GAA: variants seen among roughly 807,000 people sequenced by gnomAD.
GAA encodes lysosomal alpha-glucosidase.
GAA carries 88 observed loss-of-function variants against 103.9 expected under a neutral mutation model. The observed-to-expected ratio is 0.85, with a 90% CI of 0.71 to 1.01. GAA has a LOEUF of 1.01. GAA is among the 50% of genes least tolerant of loss of function. The probability of loss-of-function intolerance (pLI) is 0.00; values close to 1 mark genes in which losing one functional copy is unlikely to be tolerated. For synonymous variants in GAA, 572 were observed against 563.1 expected (o/e 1.02, Z -0.22); for missense variants, 1,350 against 1,305.3 (o/e 1.03, Z -0.53).
In GAA at chr17:80,112,672, G is replaced by T. The variant is rs767977395; in HGVS notation, c.1849G>T (p.Val617Leu). 1 of 1,611,858 alleles carries T rather than the reference G, an allele frequency of 6.2e-7. No homozygotes were observed. The highest frequency in any genetic ancestry group is 1.3e-5 in the African/African-American group (1 of 75,038). The change falls in exon 13 of 20, where the codon GTG (valine) becomes TTG (leucine). Residue 617 changes from valine to leucine, a missense_variant. Transcript: ENST00000302262. The stretch of plus-strand genomic sequence containing the variant: ...ATACGCCGGCCACTGGACGGGGGAC[G>T]TGTGGAGCTCCTGGGAGCAGCTCGC... ...GRYAGHWTGD[V>L]WSSWEQLASS...
At chr17:80,105,575 C>G (rs1198927889) in intron 2 of GAA, among the ~76,000 whole-genome samples, 174 bp from the exon 3 acceptor site, 1 of 150,950 alleles carries the variant, frequency 6.6e-6, no homozygotes, top group Non-Finnish European at 1.5e-5. Flanking sequence ...GGGAGGCGTC[C>G]TCCTCCTGGC....
intron 1 of GAA, among the ~76,000 whole-genome samples, chr17:80,103,432 G>A (rs1284641604): frequency 6.6e-6 from 1 of 151,910 alleles, no homozygotes; most frequent in Non-Finnish European, 1.5e-5. Context: ...CCTTCCCCAC[G>A]CCCTCCCCAT....
At chr17:80,111,162 G>A in intron 11 of GAA, 137 bp downstream of exon 11, 1 of 871,538 alleles carries the variant, frequency 1.1e-6, no homozygotes, top group South Asian at 1.5e-5. Flanking sequence ...ATCCCCAGGA[G>A]AAAGGCTCAG....
Position 80,111,034 on chromosome 17 carries a change from G to GC in GAA, c.1636+15dup, listed in dbSNP as rs765563836. On this transcript the variant is annotated intron_variant, in intron 11 of 19. Coordinates refer to ENST00000302262, the MANE Select transcript of GAA (RefSeq NM_000152.5). ...CCCACCCTACGTGCCTGGTCAGCTC[G>GC]CCCCCCACCTACCCTGGGGACTTAA... The GC allele has an allele frequency of 8.1e-6, 13 of 1,612,518 alleles. No individual in the cohort carries two copies. Among genetic ancestry groups the GC allele is most frequent in the South Asian group, 5.5e-5 (5 of 91,026 alleles).
chr17:80,111,415 A>G lies in GAA; in HGVS notation c.1636+390A>G, dbSNP rs7209921. ...CAGGGAGCAGGGTGGGCTCAGAGGC[A>G]GGAATTACCAAGAAGAAGCATGGGG... On this transcript the variant is annotated intron_variant, in intron 11 of 19. Transcript: ENST00000302262. 0.63 allele frequency among the ~76,000 whole-genome samples: 95,247 copies of G among 151,788 alleles called. 30,629 individuals are homozygous for G. The highest frequency in any genetic ancestry group is 0.78 in the Middle Eastern group (225 of 290).
chr17:80,109,954 A>T lies in GAA; in HGVS notation c.1336A>T (p.Ile446Phe). ...GTTTCCCTCTTCCCAGGATCCTGCC[A>T]TCAGCAGCTCGGGCCCTGCCGGGAG... ...RRYMMIVDPA[I>F]SSSGPAGSYR... is the part of the protein sequence containing the mutation. Residue 446 changes from isoleucine (I) to phenylalanine (F), a missense_variant, in exon 9 of 20, where the codon ATC becomes TTC. Transcript: ENST00000302262. 6.2e-7 allele frequency: 1 copy of T among 1,613,224 alleles called. No homozygotes were observed. The highest frequency in any genetic ancestry group is 1.7e-5 in the Admixed American group (1 of 60,010).
Position 80,112,622 on chromosome 17 carries a change from G to T in GAA, c.1799G>T (p.Arg600Leu), listed in dbSNP as rs377544304. The T allele has an allele frequency of 2.5e-6, 4 of 1,612,886 alleles. No individual in the cohort carries two copies. The highest frequency in any genetic ancestry group is 3.4e-6 in the Non-Finnish European group (4 of 1,179,960). The change falls in exon 13 of 20, where the codon CGC (arginine) becomes CTC (leucine). Residue 600 changes from arginine to leucine, a missense_variant. By Grantham distance (102) the Arg-to-Leu change is moderately radical (BLOSUM62 -2). Transcript: ENST00000302262. ...GGGACACGCCCATTTGTGATCTCCC[G>T]CTCGACCTTTGCTGGCCACGGCCGA... is the stretch of plus-strand genomic sequence containing the variant. ...ARGTRPFVIS[R>L]STFAGHGRYA...
chr17:80,104,754 C>T lies in GAA; in HGVS notation c.168C>T (p.His56=), dbSNP rs568993202. The T allele has an allele frequency of 2.5e-6, 4 of 1,611,094 alleles. No homozygotes were observed. The highest frequency in any genetic ancestry group is 2.5e-6 in the Non-Finnish European group (3 of 1,179,228). ...TCCTGGAGGAGACTCACCCAGCTCA[C>T]CAGCAGGGAGCCAGCAGACCAGGGC... ...SPVLEETHPA[H]QQGASRPGPR... is the part of the protein sequence containing the mutation. Residue 56 remains histidine, a synonymous_variant, in exon 2 of 20, where the codon CAC becomes CAT. Coordinates refer to ENST00000302262, the MANE Select transcript of GAA (RefSeq NM_000152.5). This position sits in a 1 kb window ranked among gnomAD's most constrained non-coding sequence, Gnocchi z 4.0.
chr17:80,110,590 G>T (rs2039208429), intron 9 of GAA, 137 bp from the exon 10 acceptor site: 1 of 694,602 alleles, frequency 1.4e-6, no homozygotes, highest in Admixed American at 2.2e-5. Context: ...CCTCCAGGGT[G>T]CAGGTCTCTC....
Position 80,105,158 on chromosome 17 carries a change from C to T in GAA, c.546+26C>T, listed in dbSNP as rs1048566453. The T allele has an allele frequency of 5.7e-6, 9 of 1,588,576 alleles. No individual in the cohort carries two copies. In the East Asian group the frequency reaches 9.0e-5, roughly 16 times the overall value. On this transcript the variant is annotated intron_variant, in intron 2 of 19. Transcript: ENST00000302262. ...GTGGGCAGGGCAGGGGCGGGGGCGG[C>T]GGCCAGGGCAGAGGGTGCGCGTGGA...
At chr17:80,116,145 A>G (rs1042070319) in intron 15 of GAA, among the ~76,000 whole-genome samples, 6 of 152,250 alleles carry the variant, frequency 3.9e-5, no homozygotes, top group African/African-American at 1.4e-4. Flanking sequence ...TGCAAGAAAT[A>G]TTTTGAAGCA....
intron 1 of GAA, chr17:80,102,811 C>G (rs529934632): frequency 1.3e-5 from 2 of 152,190 alleles, no homozygotes; most frequent in Non-Finnish European, 2.9e-5. Flanking sequence ...ATCGAAAGTA[C>G]AAGTGACAAC....
chr17:80,118,410 A>G, intron 18 of GAA, 53 bp downstream of exon 18: 1 of 1,555,848 alleles, frequency 6.4e-7, no homozygotes, highest in Non-Finnish European at 8.7e-7. Context: ...CGGGGTTGAG[A>G]AGGGGTGAGG....
chr17:80,115,196 C>T (rs1373363325), intron 15 of GAA, among the ~76,000 whole-genome samples: 3 of 152,196 alleles, frequency 2.0e-5, no homozygotes, highest in Non-Finnish European at 4.4e-5. Flanking sequence ...TCTGGGACTT[C>T]CGTTCCACAC....
chr17:80,105,823 A>G lies in GAA; in HGVS notation c.621A>G (p.Pro207=), dbSNP rs772482115. ...TPHVHSRAPS[P]LYSVEFSEEP... ...ATGTCCACAGCCGGGCACCGTCCCCACTCTACAGCGTGGAGTTCTCCGAGG... is the reference window on the plus strand; with the variant it reads ...ATGTCCACAGCCGGGCACCGTCCCCGCTCTACAGCGTGGAGTTCTCCGAGG... The change falls in exon 3 of 20, where the codon CCA becomes CCG. Residue 207 remains proline, a synonymous_variant. Coordinates refer to ENST00000302262, the MANE Select transcript of GAA (RefSeq NM_000152.5). 9 of 1,610,040 alleles carry G rather than the reference A, an allele frequency of 5.6e-6. No individual in the cohort carries two copies. In the East Asian group the frequency reaches 1.3e-4, roughly 24 times the overall value.
intron 8 of GAA, among the ~76,000 whole-genome samples, chr17:80,109,203 C>G (rs987378244): frequency 3.9e-5 from 6 of 152,192 alleles, no homozygotes; most frequent in African/African-American, 1.4e-4. Context: ...TCTGGCCGTG[C>G]CTCTCCTTCT....
chr17:80,113,675 A>G (rs2039299520), intron 15 of GAA, among the ~76,000 whole-genome samples: 1 of 152,234 alleles, frequency 6.6e-6, no homozygotes, highest in Non-Finnish European at 1.5e-5. Context: ...TTTTTCTTGC[A>G]TACCATAGAA....
intron 2 of GAA, 145 bp from the exon 3 acceptor site, chr17:80,105,604 G>C: frequency 2.1e-6 from 2 of 960,202 alleles, no homozygotes; most frequent in Non-Finnish European, 3.2e-6. Context: ...TGAGGGAGCC[G>C]AGGCTCAGAG....
At chr17:80,109,906 C>T (rs755542938) in intron 8 of GAA, 39 bp from the exon 9 acceptor site, 37 of 1,539,626 alleles carry the variant, frequency 2.4e-5, no homozygotes, top group Non-Finnish European at 2.9e-5. Flanking sequence ...CGCCAGGGCT[C>T]TGGGCCACCC....
Sources: gnomAD v4.1 joint callset for allele counts (sites outside exome capture counted in the v4.1 genomes callset) on GRCh38, gnomAD v4.1.1 for gene constraint, Gnocchi (gnomAD v3.1) non-coding constraint, MANE v1.5 for transcripts, NCBI Gene and HGNC (gene_info 2026-07-23, HGNC 2026-07-21) for gene names.